Variants in CAPS2 observed in about 807,000 individuals in gnomAD.
CAPS2 encodes the protein calcyphosin-2.
CAPS2 carries 98 observed loss-of-function variants against 86.5 expected under a neutral mutation model. The ratio of observed to expected loss-of-function variants is 1.13; its 90% CI spans 0.96 to 1.34. The LOEUF is 1.34. Among genes scored for constraint, CAPS2 ranks in the 40% most tolerant of loss-of-function variants. The pLI is 0.00. For missense variants in CAPS2, 729 were observed against 686.8 expected, an observed-to-expected ratio of 1.06 and a Z score of -0.69; for synonymous variants, 210 against 225.1, an observed-to-expected ratio of 0.93 and a Z score of 0.60.
At chr12:75,312,798 T>A (rs779575157) in intron 7 of CAPS2, 50 bp downstream of exon 7, 1 of 1,088,494 alleles carries the variant, frequency 9.2e-7, no homozygotes, top group South Asian at 1.3e-5. Context: ...GAAAATAAAT[T>A]TAATGAAAAC....
At chr12:75,313,674 A>G (rs1291222813) in intron 6 of CAPS2, among the ~76,000 whole-genome samples, 4 of 152,210 alleles carry the variant, frequency 2.6e-5, no homozygotes, top group Non-Finnish European at 5.9e-5. Flanking sequence ...AAAAATTAAG[A>G]GGTCAAAATA....
chr12:75,361,840 G>A (rs990922681), intron 1 of CAPS2, among the ~76,000 whole-genome samples: 3 of 151,958 alleles, frequency 2.0e-5, no homozygotes, highest in African/African-American at 7.3e-5. Context: ...CTCAACACAT[G>A]GGAATTACAA....
intron 1 of CAPS2, among the ~76,000 whole-genome samples, chr12:75,381,216 T>C (rs2044950951): frequency 6.6e-6 from 1 of 152,248 alleles, no homozygotes. Flanking sequence ...CAAGGGTTTC[T>C]GCTTTTGCTT....
chr12:75,377,840 GAT>G (rs71078726), intron 1 of CAPS2, among the ~76,000 whole-genome samples: 42,322 of 146,864 alleles, frequency 0.29, 6,486 homozygotes, highest in East Asian at 0.45. Flanking sequence ...AACCATCACA[GAT>G]ATATATATAT....
chr12:75,290,435 T>A (rs1332997538), intron 13 of CAPS2, among the ~76,000 whole-genome samples: 1 of 152,122 alleles, frequency 6.6e-6, no homozygotes, highest in Non-Finnish European at 1.5e-5. Context: ...ATATAATACA[T>A]GAGAGAAAAA....
chr12:75,365,613 T>C (rs1387457632), intron 1 of CAPS2, among the ~76,000 whole-genome samples: 4 of 152,182 alleles, frequency 2.6e-5, no homozygotes, highest in African/African-American at 9.6e-5. Context: ...TGAATATACA[T>C]TGTTAAATAT....
chr12:75,358,020 TAAC>T (rs1187433719), intron 1 of CAPS2, among the ~76,000 whole-genome samples: 2 of 146,744 alleles, frequency 1.4e-5, no homozygotes, highest in South Asian at 2.1e-4. Flanking sequence ...ATAAATAAAA[TAAC>T]AAACAGAAAA....
chr12:75,320,605 C>T (rs2040210111), intron 5 of CAPS2, among the ~76,000 whole-genome samples: 1 of 151,892 alleles, frequency 6.6e-6, no homozygotes, highest in African/African-American at 2.4e-5. Context: ...TAAAAAATAG[C>T]TGAAATGTCA....
chr12:75,280,496 C>G (rs1223957196), intron 16 of CAPS2, among the ~76,000 whole-genome samples: 2 of 151,472 alleles, frequency 1.3e-5, no homozygotes, highest in East Asian at 3.8e-4. Context: ...ATCAAAAATT[C>G]CATGACACAT....
chr12:75,287,066 A>C (rs1188913931), intron 14 of CAPS2, among the ~76,000 whole-genome samples: 1 of 150,932 alleles, frequency 6.6e-6, no homozygotes, highest in Non-Finnish European at 1.5e-5. Context: ...ATACACACGC[A>C]AGCACACACA....
In CAPS2 at chr12:75,301,778, C is replaced by T. The variant is rs371068558; in HGVS notation, c.780-1867G>A. ...AATGGAAGTAATAGCTTCAAGGGCC[C>T]TATAGTCTTCTTGAAAAGATAAAAG... On this transcript the variant is annotated intron_variant, in intron 8 of 16. Coordinates refer to ENST00000393284, the Ensembl canonical transcript of CAPS2. Among the ~76,000 whole-genome samples the T allele has an allele frequency of 7.2e-5, 11 of 152,022 alleles. No individual in the cohort carries two copies. In the East Asian group the frequency reaches 1.3e-3, roughly 19 times the overall value.
chr12:75,277,618 T>C (rs759886822), exon 17 of CAPS2: 20 of 984,388 alleles, frequency 2.0e-5, no homozygotes, highest in Non-Finnish European at 2.4e-5. Context: ...TAGTACCTTC[T>C]CACATCTTGA....
chr12:75,332,526 C>A (rs1327439816), upstream of CAPS2, among the ~76,000 whole-genome samples: 1 of 151,996 alleles, frequency 6.6e-6, no homozygotes, highest in African/African-American at 2.4e-5. Flanking sequence ...ATAAGCTTAC[C>A]CAGCATTTCC....
At chr12:75,277,088 A>T (rs2033062332), downstream of CAPS2, 1 of 984,340 alleles carries the variant, frequency 1.0e-6, no homozygotes, top group Admixed American at 6.2e-5. Flanking sequence ...CACCAAAAAA[A>T]ATCTCATAAA....
At chr12:75,380,011 T>C (rs2044872584) in intron 1 of CAPS2, among the ~76,000 whole-genome samples, 1 of 151,982 alleles carries the variant, frequency 6.6e-6, no homozygotes, top group Admixed American at 6.6e-5. Context: ...AAAGGTACTA[T>C]ATGTACATTT....
intron 6 of CAPS2, among the ~76,000 whole-genome samples, chr12:75,314,931 T>A (rs1480855519): frequency 1.3e-5 from 2 of 152,118 alleles, no homozygotes; most frequent in Non-Finnish European, 1.5e-5. Flanking sequence ...CACTACAAAA[T>A]GACAAAGGAG....
chr12:75,338,457 A>G (rs1445288353), intron 1 of CAPS2, among the ~76,000 whole-genome samples: 9 of 152,152 alleles, frequency 5.9e-5, no homozygotes, highest in African/African-American at 2.4e-5. Context: ...GATCATCTCA[A>G]TAGAGTCATG....
chr12:75,374,756 G>A (rs1348977779), intron 1 of CAPS2, among the ~76,000 whole-genome samples: 1 of 152,202 alleles, frequency 6.6e-6, no homozygotes, highest in Non-Finnish European at 1.5e-5. Flanking sequence ...AATTGTTTCT[G>A]GTGGGCCTTA....
intron 1 of CAPS2, among the ~76,000 whole-genome samples, chr12:75,359,371 T>C (rs913455720): frequency 1.5e-5 from 2 of 137,914 alleles, no homozygotes; most frequent in African/African-American, 5.4e-5. Context: ...TTTTTTTTTT[T>C]TTTTTTTTTT....
Sources: gnomAD v4.1 joint callset for allele counts (sites outside exome capture counted in the v4.1 genomes callset) on GRCh38, gnomAD v4.1.1 for gene constraint, MANE v1.5 for transcripts, NCBI Gene and HGNC (gene_info 2026-07-23, HGNC 2026-07-21) for gene names.